Variants in NR2F1-AS1 observed in about 807,000 individuals in gnomAD.
The protein encoded by NR2F1-AS1 is NR2F1 regulatory antisense RNA 1.
At chr5:93,464,910 C>G (rs546967633) in intron 4 of NR2F1-AS1, among the ~76,000 whole-genome samples, 1 of 152,282 alleles carries the variant, frequency 6.6e-6, no homozygotes, top group South Asian at 2.1e-4. Context: ...AGTACTCTTC[C>G]AAAGGTAAAA....
chr5:93,502,493 T>G (rs552452326), intron 4 of NR2F1-AS1, among the ~76,000 whole-genome samples: 1 of 152,282 alleles, frequency 6.6e-6, no homozygotes, highest in African/African-American at 2.4e-5. Context: ...GGCCAGTAGC[T>G]AAGGTTTTAA....
intron 4 of NR2F1-AS1, among the ~76,000 whole-genome samples, chr5:93,491,369 G>A (rs1485139142): frequency 4.6e-5 from 7 of 150,984 alleles, no homozygotes; most frequent in Non-Finnish European, 8.9e-5. Flanking sequence ...TGGTGATGGT[G>A]GGGGGGTGGT....
At chr5:93,439,348 G>C (rs533463361) in intron 4 of NR2F1-AS1, among the ~76,000 whole-genome samples, 3 of 152,250 alleles carry the variant, frequency 2.0e-5, no homozygotes, top group African/African-American at 2.4e-5. Context: ...GGCTGGAGTG[G>C]AGTGGCGCGA....
At chr5:93,464,114 A>G (rs1240181321) in intron 4 of NR2F1-AS1, among the ~76,000 whole-genome samples, 1 of 152,114 alleles carries the variant, frequency 6.6e-6, no homozygotes, top group African/African-American at 2.4e-5. Context: ...AACTCCCACA[A>G]TTTCAACATA....
intron 4 of NR2F1-AS1, among the ~76,000 whole-genome samples, chr5:93,475,528 A>G (rs1580258456): frequency 6.6e-6 from 1 of 152,194 alleles, no homozygotes; most frequent in Non-Finnish European, 1.5e-5. Context: ...AGCACACCCT[A>G]GAAGGGAACA....
At chr5:93,533,929 G>A (rs1166907627) in intron 4 of NR2F1-AS1, among the ~76,000 whole-genome samples, 1 of 152,054 alleles carries the variant, frequency 6.6e-6, no homozygotes, top group Non-Finnish European at 1.5e-5. Context: ...GCCAGTTCAA[G>A]TCCAGCCTGG....
intron 4 of NR2F1-AS1, among the ~76,000 whole-genome samples, chr5:93,496,476 C>T (rs1750962806): frequency 6.6e-6 from 1 of 152,166 alleles, no homozygotes; most frequent in Admixed American, 6.6e-5. Flanking sequence ...GGACTTCTGT[C>T]ATAATTTCCT....
chr5:93,575,640 C>T (rs1047857012), intron 1 of NR2F1-AS1, among the ~76,000 whole-genome samples: 2 of 152,342 alleles, frequency 1.3e-5, no homozygotes, highest in Middle Eastern at 3.4e-3. Context: ...AGAAATCCTC[C>T]TGTCACTGTG....
intron 4 of NR2F1-AS1, among the ~76,000 whole-genome samples, chr5:93,533,980 G>T (rs1419616913): frequency 6.6e-6 from 1 of 152,152 alleles, no homozygotes; most frequent in African/African-American, 2.4e-5. Context: ...CTACTTGGGA[G>T]GCTGAGGCAC....
intron 4 of NR2F1-AS1, among the ~76,000 whole-genome samples, chr5:93,540,107 A>T (rs2149905017): frequency 6.6e-6 from 1 of 152,332 alleles, no homozygotes; most frequent in African/African-American, 2.4e-5. Context: ...TGATCAGTTT[A>T]TTCTCAATGT....
At chr5:93,553,658 T>C (rs992750920) in intron 4 of NR2F1-AS1, 2 of 152,256 alleles carry the variant, frequency 1.3e-5, no homozygotes. Flanking sequence ...ATTCCAATAA[T>C]GTCTCATAAA....
chr5:93,570,770 C>T (rs1023794188), intron 1 of NR2F1-AS1: 3 of 152,378 alleles, frequency 2.0e-5, no homozygotes, highest in Non-Finnish European at 4.4e-5. Flanking sequence ...GCCCCTCCGC[C>T]GCGCGGGGGA....
At chr5:93,496,283 G>C (rs566430114) in intron 4 of NR2F1-AS1, among the ~76,000 whole-genome samples, 24 of 152,250 alleles carry the variant, frequency 1.6e-4, no homozygotes, top group African/African-American at 4.8e-4. Context: ...AAGCAGGCTT[G>C]TCTGTGAGGG....
chr5:93,463,415 G>C (rs977239802), intron 4 of NR2F1-AS1, among the ~76,000 whole-genome samples: 3 of 152,210 alleles, frequency 2.0e-5, no homozygotes, highest in Admixed American at 1.3e-4. Context: ...GTGAGGTGGG[G>C]CCCTCATGGA....
At chr5:93,465,620 G>A (rs2149866583) in intron 4 of NR2F1-AS1, among the ~76,000 whole-genome samples, 1 of 152,262 alleles carries the variant, frequency 6.6e-6, no homozygotes, top group South Asian at 2.1e-4. Context: ...AAAGACACAT[G>A]CACGTGTATG....
intron 4 of NR2F1-AS1, among the ~76,000 whole-genome samples, chr5:93,487,710 CA>C (rs1445274368): frequency 6.6e-6 from 1 of 152,128 alleles, no homozygotes; most frequent in Non-Finnish European, 1.5e-5. Context: ...ATCAAGCTAC[CA>C]TTGACTTTCT....
At position 93,539,467 on chromosome 5, in the gene NR2F1-AS1, C is replaced by A. The variant is rs80018422; in HGVS notation, n.638+14294G>T. 1.7e-3 allele frequency among the ~76,000 whole-genome samples: 263 copies of A among 152,124 alleles called. 10 individuals are homozygous for A. The East Asian group carries it at 0.041, about 24-fold the overall frequency. On this transcript the variant is annotated intron_variant and non_coding_transcript_variant, in intron 4 of 5. Coordinates refer to ENST00000660523, the Ensembl canonical transcript of NR2F1-AS1. ...TGTCATTTGTGACAACATGGATGAA[C>A]CTGGAGGACATCAAGTTAAGTGAAA...
At chr5:93,574,042 C>A (rs73135306) in intron 1 of NR2F1-AS1, among the ~76,000 whole-genome samples, 2,949 of 152,328 alleles carry the variant, frequency 0.019, 113 homozygotes, top group African/African-American at 0.068. Flanking sequence ...TTGGAAAAGT[C>A]ATTTCAGCTC....
At chr5:93,452,985 A>C (rs1749870022) in intron 4 of NR2F1-AS1, among the ~76,000 whole-genome samples, 1 of 152,224 alleles carries the variant, frequency 6.6e-6, no homozygotes, top group South Asian at 2.1e-4. Context: ...AAGAAAACAC[A>C]ATCAATAGAA....
Sources: allele counts gnomAD v4.1 joint callset (sites outside exome capture counted in the v4.1 genomes callset), GRCh38; gene constraint gnomAD v4.1.1; transcripts MANE v1.5; gene names NCBI Gene and HGNC (gene_info 2026-07-23, HGNC 2026-07-21).